The following CHRM3 variants were observed in gnomAD, a reference collection of about 807,000 sequenced individuals.
The protein encoded by CHRM3 is cholinergic receptor muscarinic 3, also known as muscarinic acetylcholine receptor M3.
A neutral mutation model predicts 41.8 loss-of-function variants in CHRM3; 11 were observed. The observed-to-expected ratio is 0.26, with a 90% CI of 0.17 to 0.44. The LOEUF (loss-of-function observed/expected upper bound fraction) is 0.44. CHRM3 is among the 20% of genes least tolerant of loss of function. The pLI is 1.00. For synonymous variants in CHRM3, 297 were observed against 301.4 expected (o/e 0.99, Z 0.15); for missense variants, 571 against 745.4 (o/e 0.77, Z 2.72).
At chr1:239,842,305 T>G (rs1344452323) in intron 6 of CHRM3, among the ~76,000 whole-genome samples, 1 of 151,246 alleles carries the variant, frequency 6.6e-6, no homozygotes, top group African/African-American at 2.4e-5. Context: ...CACTGCTAAC[T>G]CCACCTCTCG....
intron 2 of CHRM3, among the ~76,000 whole-genome samples, chr1:239,516,881 G>A (rs944264616): frequency 2.6e-5 from 4 of 152,086 alleles, no homozygotes; most frequent in South Asian, 2.1e-4. Flanking sequence ...TGAACTGCAC[G>A]TGCAAAGGAT....
At chr1:239,605,426 A>G (rs1455853114) in intron 3 of CHRM3, among the ~76,000 whole-genome samples, 1 of 152,206 alleles carries the variant, frequency 6.6e-6, no homozygotes, top group African/African-American at 2.4e-5. Context: ...AAGCTACACC[A>G]TCTAGGTTTG....
intron 5 of CHRM3, among the ~76,000 whole-genome samples, chr1:239,803,980 A>G (rs888852723): frequency 6.6e-6 from 1 of 152,210 alleles, no homozygotes; most frequent in Non-Finnish European, 1.5e-5. Context: ...AAGACTTGCA[A>G]GAATTGCCAA....
At chr1:239,791,758 G>A (rs1263614938) in intron 5 of CHRM3, among the ~76,000 whole-genome samples, 1 of 152,208 alleles carries the variant, frequency 6.6e-6, no homozygotes, top group East Asian at 1.9e-4. Flanking sequence ...CAGACACTGA[G>A]ATGGGTAAGA....
chr1:239,653,512 A>G (rs1672430902), intron 4 of CHRM3, among the ~76,000 whole-genome samples: 1 of 152,144 alleles, frequency 6.6e-6, no homozygotes, highest in Non-Finnish European at 1.5e-5. Context: ...TCAAAGAGCC[A>G]AGCTGGTTGC....
chr1:239,712,946 G>A (rs999591666), intron 5 of CHRM3, among the ~76,000 whole-genome samples: 3 of 152,066 alleles, frequency 2.0e-5, no homozygotes, highest in African/African-American at 4.8e-5. Flanking sequence ...ATGATACAGC[G>A]ACAAGTTAAT....
intron 1 of CHRM3, among the ~76,000 whole-genome samples, chr1:239,393,826 C>G (rs1246268829): frequency 6.6e-6 from 1 of 152,118 alleles, no homozygotes; most frequent in East Asian, 1.9e-4. Flanking sequence ...TTTTGATTCT[C>G]TCCAAAGAAG....
intron 6 of CHRM3, among the ~76,000 whole-genome samples, chr1:239,851,764 A>G (rs538856060): frequency 2.0e-5 from 3 of 152,170 alleles, no homozygotes; most frequent in South Asian, 4.1e-4. Flanking sequence ...CTATTTGACT[A>G]TTTGCTTCTT....
chr1:239,729,820 A>G (rs1663791892), intron 5 of CHRM3, among the ~76,000 whole-genome samples: 1 of 151,972 alleles, frequency 6.6e-6, no homozygotes, highest in Non-Finnish European at 1.5e-5. Context: ...TGAAAACTTT[A>G]TAGAAATGGT....
intron 5 of CHRM3, among the ~76,000 whole-genome samples, chr1:239,779,403 C>T (rs1220851647): frequency 2.0e-5 from 3 of 152,204 alleles, no homozygotes; most frequent in African/African-American, 7.2e-5. Context: ...TTCACAATTA[C>T]AGAATCATGT....
At chr1:239,539,974 T>A (rs533514378) in intron 2 of CHRM3, among the ~76,000 whole-genome samples, 1 of 152,320 alleles carries the variant, frequency 6.6e-6, no homozygotes, top group East Asian at 1.9e-4. Context: ...CACAGATGTT[T>A]CCTATTGTGT....
chr1:239,579,147 A>G (rs571368001), intron 3 of CHRM3, among the ~76,000 whole-genome samples: 1 of 152,348 alleles, frequency 6.6e-6, no homozygotes, highest in South Asian at 2.1e-4. Flanking sequence ...AAGATGTCAT[A>G]ATAGACCTTG....
At chr1:239,456,588 T>G (rs943880666) in intron 1 of CHRM3, among the ~76,000 whole-genome samples, 14 of 152,192 alleles carry the variant, frequency 9.2e-5, no homozygotes, top group Non-Finnish European at 4.4e-5. Context: ...TCCTGGTCCT[T>G]AAGTGATGCG....
rs1357834251 is a variant in CHRM3, at chr1:239,909,876, A to G, written c.*652A>G. 6.0e-6 allele frequency: 1 copy of G among 167,132 alleles called. No individual in the cohort carries two copies. The highest frequency in any genetic ancestry group is 1.5e-5 in the Non-Finnish European group (1 of 68,154). The allele number at this position is 167,132 out of a possible 1,614,324, so 10.4% of individuals were successfully genotyped here. A position where few individuals can be genotyped will look rare whatever the true frequency, so the allele number is the denominator to read the frequency against. ...GTGTGAGTTCTGCACGCACACACAT[A>G]GTGTATATAATATCATGGGAAACAC... On this transcript the variant is annotated 3_prime_UTR_variant, in exon 7 of 7. Transcript: ENST00000676153.
chr1:239,495,943 G>A (rs1667849012), intron 2 of CHRM3, among the ~76,000 whole-genome samples: 1 of 152,062 alleles, frequency 6.6e-6, no homozygotes, highest in African/African-American at 2.4e-5. Flanking sequence ...CAGGGGCAAA[G>A]GGGTAGAAAG....
At chr1:239,793,158 T>G (rs1343993961) in intron 5 of CHRM3, among the ~76,000 whole-genome samples, 1 of 152,344 alleles carries the variant, frequency 6.6e-6, no homozygotes, top group African/African-American at 2.4e-5. Flanking sequence ...TGGTTTGGCC[T>G]TTTAAAATGA....
intron 5 of CHRM3, among the ~76,000 whole-genome samples, chr1:239,773,335 C>T (rs1261939616): frequency 6.6e-6 from 1 of 152,140 alleles, no homozygotes; most frequent in African/African-American, 2.4e-5. Context: ...TTATCAGCTG[C>T]AATTAATAAA....
intron 3 of CHRM3, among the ~76,000 whole-genome samples, chr1:239,605,309 T>G (rs1173877457): frequency 6.6e-6 from 1 of 152,224 alleles, no homozygotes; most frequent in Non-Finnish European, 1.5e-5. Flanking sequence ...TTAGATGCAC[T>G]AATACTTACT....
intron 3 of CHRM3, among the ~76,000 whole-genome samples, chr1:239,550,047 AT>A (rs1356149802): frequency 2.0e-5 from 3 of 151,800 alleles, no homozygotes; most frequent in Non-Finnish European, 4.4e-5. Context: ...TGAGCTGTGA[AT>A]TTCCCAGAGA....
Sources: allele counts gnomAD v4.1 joint callset (sites outside exome capture counted in the v4.1 genomes callset), GRCh38; gene constraint gnomAD v4.1.1; transcripts MANE v1.5; gene names NCBI Gene and HGNC (gene_info 2026-07-23, HGNC 2026-07-21).